The following RERE variants were observed in gnomAD, a reference collection of about 807,000 sequenced individuals.
The protein encoded by RERE is arginine-glutamic acid dipeptide repeats protein.
A neutral mutation model predicts 146.1 loss-of-function variants in RERE; 40 were observed. The observed-to-expected ratio is 0.27, with a 90% CI of 0.21 to 0.36. The LOEUF (loss-of-function observed/expected upper bound fraction) is 0.36, where lower values mean the gene tolerates loss of function less well. Among genes scored for constraint, RERE ranks in the 10% least tolerant of loss-of-function variants. The pLI is 1.00. For synonymous variants in RERE, 1,003 were observed against 866.0 expected, an observed-to-expected ratio of 1.16 and a Z score of -2.78; for missense variants, 1,933 against 2,138.7, an observed-to-expected ratio of 0.90 and a Z score of 1.90.
rs1466325775 is a variant in RERE, at chr1:8,358,072, T to C, written c.4339+124A>G. ...TAGTGGATGCTGAGCTCTTCTAAGATCTGCCAGGGATGAGGGATCTGTTCA... is the reference window on the plus strand; with the variant it reads ...TAGTGGATGCTGAGCTCTTCTAAGACCTGCCAGGGATGAGGGATCTGTTCA... On this transcript the variant is annotated intron_variant, in intron 20 of 22. Coordinates refer to ENST00000400908, the MANE Select transcript of RERE (RefSeq NM_001042681.2). 5 of 1,466,888 alleles carry C rather than the reference T, an allele frequency of 3.4e-6. No homozygotes were observed. The Admixed American group carries it at 1.1e-4, about 33-fold the overall frequency. The allele number at this position is 1,466,888 out of a possible 1,614,324, so 90.9% of individuals were successfully genotyped here. A position where few individuals can be genotyped will look rare whatever the true frequency, so the allele number is the denominator to read the frequency against.
chr1:8,661,499 G>A (rs748055838), intron 1 of RERE, among the ~76,000 whole-genome samples: 4 of 152,126 alleles, frequency 2.6e-5, no homozygotes, highest in Admixed American at 1.3e-4. Flanking sequence ...CACTCTGGCC[G>A]CTGATAAAAC....
At chr1:8,501,698 T>A (rs1645160958) in intron 8 of RERE, among the ~76,000 whole-genome samples, 2 of 115,282 alleles carry the variant, frequency 1.7e-5, no homozygotes, top group Non-Finnish European at 3.6e-5. Context: ...AGCCGCCCAG[T>A]CCGGGAGGGA....
At chr1:8,751,800 A>G (rs1640542603) in intron 1 of RERE, among the ~76,000 whole-genome samples, 1 of 151,866 alleles carries the variant, frequency 6.6e-6, no homozygotes, top group African/African-American at 2.4e-5. Flanking sequence ...AAAAGAACTT[A>G]CATTATCATC....
At chr1:8,511,826 G>C (rs1424508459) in intron 7 of RERE, 1 of 144,880 alleles carries the variant, frequency 6.9e-6, no homozygotes, top group African/African-American at 2.6e-5. Flanking sequence ...CATCACCCTT[G>C]ATAGGTCAGG....
chr1:8,567,526 T>C (rs565092240), intron 4 of RERE, among the ~76,000 whole-genome samples: 1 of 152,362 alleles, frequency 6.6e-6, no homozygotes, highest in East Asian at 1.9e-4. Context: ...GCTGTTAAAT[T>C]ATTTTTACAC....
intron 7 of RERE, among the ~76,000 whole-genome samples, chr1:8,520,866 T>C (rs1242721093): frequency 2.0e-5 from 3 of 151,080 alleles, no homozygotes; most frequent in Non-Finnish European, 4.4e-5. Flanking sequence ...TTCTGCATAT[T>C]GAAATCAAAC....
At chr1:8,609,766 G>A (rs543603757) in intron 4 of RERE, among the ~76,000 whole-genome samples, 2 of 152,240 alleles carry the variant, frequency 1.3e-5, no homozygotes, top group South Asian at 4.1e-4. Flanking sequence ...TGGTACTATG[G>A]TATCAAGCAT....
intron 1 of RERE, among the ~76,000 whole-genome samples, chr1:8,721,402 C>G (rs1639861333): frequency 6.6e-6 from 1 of 152,178 alleles, no homozygotes; most frequent in African/African-American, 2.4e-5. Context: ...ACCTCCGTCT[C>G]CTAGGTTCAA....
At chr1:8,371,148 G>C (rs895065967) in intron 12 of RERE, among the ~76,000 whole-genome samples, 1 of 152,190 alleles carries the variant, frequency 6.6e-6, no homozygotes. Context: ...CAGTGTTCCC[G>C]GCTGCAGCTC....
intron 12 of RERE, among the ~76,000 whole-genome samples, chr1:8,395,216 T>C (rs1052215352): frequency 5.3e-5 from 8 of 152,120 alleles, no homozygotes; most frequent in African/African-American, 1.9e-4. Context: ...TGGCTCATGC[T>C]TGTAATCTGA....
At chr1:8,759,051 G>C (rs1640702081) in intron 1 of RERE, among the ~76,000 whole-genome samples, 1 of 152,064 alleles carries the variant, frequency 6.6e-6, no homozygotes, top group East Asian at 1.9e-4. Context: ...TGAAGCCGGA[G>C]GATTGCTTAA....
intron 1 of RERE, among the ~76,000 whole-genome samples, chr1:8,727,212 G>A (rs750037140): frequency 4.0e-5 from 6 of 151,690 alleles, no homozygotes; most frequent in South Asian, 2.1e-4. Context: ...GCGCGATCTC[G>A]GCTCACTACA....
At chr1:8,586,974 C>T (rs1157577857) in intron 4 of RERE, among the ~76,000 whole-genome samples, 2 of 151,972 alleles carry the variant, frequency 1.3e-5, no homozygotes, top group African/African-American at 2.4e-5. Context: ...AAGAATAATT[C>T]GGAAATATAA....
intron 1 of RERE, among the ~76,000 whole-genome samples, chr1:8,805,669 A>G (rs1641676612): frequency 6.6e-6 from 1 of 150,918 alleles, no homozygotes; most frequent in Admixed American, 6.6e-5. Flanking sequence ...AAAAAAACAA[A>G]AACAAAAATT....
intron 7 of RERE, among the ~76,000 whole-genome samples, chr1:8,536,760 A>G (rs896568561): frequency 1.3e-5 from 2 of 152,216 alleles, no homozygotes; most frequent in African/African-American, 2.4e-5. Context: ...CAGAAATGTC[A>G]AAAACAAACT....
At chr1:8,528,539 A>C (rs1010236043) in intron 7 of RERE, among the ~76,000 whole-genome samples, 2 of 152,146 alleles carry the variant, frequency 1.3e-5, no homozygotes, top group African/African-American at 4.8e-5. Context: ...TCATTCCCAA[A>C]TTGTTCAGGA....
intron 1 of RERE, chr1:8,806,742 C>T (rs1246065083): frequency 6.6e-6 from 1 of 152,104 alleles, no homozygotes; most frequent in Non-Finnish European, 1.5e-5. Context: ...TCAATGCAGC[C>T]GAGGCAGTAG....
At chr1:8,791,662 A>C (rs1641365136) in intron 1 of RERE, among the ~76,000 whole-genome samples, 1 of 152,204 alleles carries the variant, frequency 6.6e-6, no homozygotes, top group Admixed American at 6.5e-5. Context: ...TTTCAGAATA[A>C]ATTTTACTTT....
intron 1 of RERE, among the ~76,000 whole-genome samples, chr1:8,717,848 G>A (rs1557500733): frequency 6.6e-6 from 1 of 152,176 alleles, no homozygotes; most frequent in Non-Finnish European, 1.5e-5. Flanking sequence ...TCTATACTGT[G>A]TGTATTTAAT....
Sources: gnomAD v4.1 joint callset for allele counts (sites outside exome capture counted in the v4.1 genomes callset) on GRCh38, gnomAD v4.1.1 for gene constraint, MANE v1.5 for transcripts, NCBI Gene and HGNC (gene_info 2026-07-23, HGNC 2026-07-21) for gene names.